The following OPCML variants were observed in gnomAD, a reference collection of about 807,000 sequenced individuals.
The protein encoded by OPCML is opioid binding protein/cell adhesion molecule like.
A neutral mutation model predicts 37.8 loss-of-function variants in OPCML; 13 were observed. The observed-to-expected ratio is 0.34, with a 90% confidence interval of 0.22 to 0.55. The LOEUF (loss-of-function observed/expected upper bound fraction) is 0.55. OPCML is among the 20% of genes least tolerant of loss of function. OPCML has a pLI of 0.91. For synonymous variants in OPCML, 176 were observed against 168.8 expected (o/e 1.04, Z -0.33); for missense variants, 341 against 435.6 (o/e 0.78, Z 1.93).
chr11:132,950,231 C>T (rs1278674016), intron 1 of OPCML, among the ~76,000 whole-genome samples: 2 of 152,092 alleles, frequency 1.3e-5, no homozygotes, highest in African/African-American at 4.8e-5. Context: ...GACTAGATTG[C>T]AGGGGTACAG....
intron 1 of OPCML, among the ~76,000 whole-genome samples, chr11:133,345,077 A>G (rs1215517734): frequency 6.6e-6 from 1 of 152,124 alleles, no homozygotes; most frequent in African/African-American, 2.4e-5. Context: ...CTCAAATCAT[A>G]TACACCAGCC....
intron 3 of OPCML, among the ~76,000 whole-genome samples, chr11:132,622,358 GGA>G (rs1939472464): frequency 6.6e-6 from 1 of 152,144 alleles, no homozygotes; most frequent in Non-Finnish European, 1.5e-5. Context: ...CATGAAAAGA[GGA>G]GAGAGAAGCG....
chr11:133,143,772 A>T lies in OPCML; in HGVS notation c.62-200762T>A, dbSNP rs561344370. Among the ~76,000 whole-genome samples the T allele has an allele frequency of 2.6e-4, 39 of 152,326 alleles. No individual in the cohort carries two copies. The South Asian group carries it at 7.9e-3, about 31-fold the overall frequency. On this transcript the variant is annotated intron_variant, in intron 1 of 7. Coordinates refer to ENST00000524381, the MANE Select transcript of OPCML (RefSeq NM_001012393.5). ...CAACTAGAAGCCAGGACTGCTGAGAAAGTGCCTACTTATCTTTCTAGGTTA... is the reference window on the plus strand; with the variant it reads ...CAACTAGAAGCCAGGACTGCTGAGATAGTGCCTACTTATCTTTCTAGGTTA...
chr11:132,701,272 C>G (rs939892480), intron 2 of OPCML, among the ~76,000 whole-genome samples: 6 of 152,168 alleles, frequency 3.9e-5, no homozygotes, highest in African/African-American at 1.4e-4. Context: ...GAGACTTATT[C>G]ACAGTATGGG....
intron 1 of OPCML, among the ~76,000 whole-genome samples, chr11:133,096,243 G>A (rs570632292): frequency 3.5e-4 from 53 of 151,770 alleles, no homozygotes; most frequent in African/African-American, 1.3e-3. Flanking sequence ...TAAGGTACTT[G>A]AACTACCTTT....
intron 1 of OPCML, among the ~76,000 whole-genome samples, chr11:133,414,053 G>T (rs1945708591): frequency 6.6e-6 from 1 of 152,162 alleles, no homozygotes; most frequent in Admixed American, 6.5e-5. Flanking sequence ...TAAGACAGAA[G>T]AAATACAAGC....
chr11:132,917,182 C>CG (rs1238820261), intron 2 of OPCML, among the ~76,000 whole-genome samples: 1 of 152,146 alleles, frequency 6.6e-6, no homozygotes, highest in African/African-American at 2.4e-5. Flanking sequence ...GACACCGTAA[C>CG]GAGGATTTAA....
At position 132,618,428 on chromosome 11, in the gene OPCML, G is replaced by A. The variant is rs116748924; in HGVS notation, c.379+38659C>T. Among the ~76,000 whole-genome samples, 1,476 of 152,158 alleles carry A rather than the reference G, an allele frequency of 9.7e-3. 22 individuals carry two copies. Among genetic ancestry groups the A allele is most frequent in the African/African-American group, 0.034 (1,391 of 41,518 alleles). ...TCTGGAAGGAGACTCACTTGAACCC[G>A]GGAGGCGTAGGTTGCAGTGAGCCGA... On this transcript the variant is annotated intron_variant, in intron 3 of 7. Coordinates refer to ENST00000524381, the MANE Select transcript of OPCML (RefSeq NM_001012393.5).
intron 2 of OPCML, among the ~76,000 whole-genome samples, chr11:132,929,787 G>A (rs1213223926): frequency 1.3e-5 from 2 of 151,584 alleles, no homozygotes; most frequent in Non-Finnish European, 2.9e-5. Flanking sequence ...ACCAGTTGAA[G>A]GAAAAAACAA....
intron 1 of OPCML, among the ~76,000 whole-genome samples, chr11:133,317,344 T>C (rs974233890): frequency 3.3e-5 from 5 of 152,228 alleles, no homozygotes; most frequent in African/African-American, 1.2e-4. Flanking sequence ...CAGGAATGTT[T>C]CAAAATTTGA....
intron 4 of OPCML, among the ~76,000 whole-genome samples, chr11:132,486,468 T>G (rs1344428578): frequency 6.6e-6 from 1 of 152,090 alleles, no homozygotes; most frequent in Non-Finnish European, 1.5e-5. Flanking sequence ...ACTTTTATAA[T>G]CTTTTTAGAA....
chr11:132,943,307 G>A lies in OPCML; in HGVS notation c.62-297C>T, dbSNP rs1945648944. 1 of 663,350 alleles carries A rather than the reference G, an allele frequency of 1.5e-6. No homozygotes were observed. The allele number at this position is 663,350 out of a possible 1,614,324, so 41.1% of individuals were successfully genotyped here. A position where few individuals can be genotyped will look rare whatever the true frequency, so the allele number is the denominator to read the frequency against. On this transcript the variant is annotated intron_variant, in intron 1 of 7. Coordinates refer to ENST00000524381, the MANE Select transcript of OPCML (RefSeq NM_001012393.5). The surrounding 1 kb of genome is among the most constrained non-coding windows in gnomAD (Gnocchi z 4.3). Reference sequence around the variant, plus strand: ...GCTTTCCAGCCTAGCAGAACCAGATGCCCCCTCCTGCATCCAAAAAGAGCT... The same window carrying A: ...GCTTTCCAGCCTAGCAGAACCAGATACCCCCTCCTGCATCCAAAAAGAGCT...
In OPCML at chr11:132,415,343, T is replaced by A. The variant is rs1187931655; in HGVS notation, c.*4850A>T. On this transcript the variant is annotated 3_prime_UTR_variant, in exon 8 of 8. Transcript: ENST00000524381. ...TGATAAGTCATAATTTTTTTTTAAA[T>A]CTAAAGGACTCTGAACTTGACAGAC... 3 of 152,562 alleles carry A rather than the reference T, an allele frequency of 2.0e-5. No homozygotes were observed. The East Asian group carries it at 5.8e-4, about 29-fold the overall frequency. The allele number at this position is 152,562 out of a possible 1,614,324, so 9.5% of individuals were successfully genotyped here.
chr11:133,290,597 A>G (rs1942447925), intron 1 of OPCML, among the ~76,000 whole-genome samples: 1 of 152,192 alleles, frequency 6.6e-6, no homozygotes, highest in Non-Finnish European at 1.5e-5. Context: ...CCAGACCCAG[A>G]GACCCCTGAG....
chr11:132,580,863 G>T (rs889869271), intron 3 of OPCML, among the ~76,000 whole-genome samples: 3 of 152,200 alleles, frequency 2.0e-5, no homozygotes, highest in East Asian at 1.9e-4. Flanking sequence ...TTCCATAGGG[G>T]CCTTTCCATC....
chr11:132,917,390 T>C (rs907458377), intron 2 of OPCML, among the ~76,000 whole-genome samples: 6 of 150,984 alleles, frequency 4.0e-5, no homozygotes, highest in Admixed American at 3.3e-4. Flanking sequence ...ATCAGGAATA[T>C]ATGCTCTGGT....
chr11:133,042,543 A>G (rs527355329), intron 1 of OPCML, among the ~76,000 whole-genome samples: 8 of 152,250 alleles, frequency 5.3e-5, no homozygotes, highest in Admixed American at 1.3e-4. Context: ...AACTCTCCCA[A>G]TAGGCTAGTT....
chr11:132,647,343 G>C (rs753258701), intron 3 of OPCML, among the ~76,000 whole-genome samples: 6 of 152,164 alleles, frequency 3.9e-5, no homozygotes, highest in Non-Finnish European at 8.8e-5. Flanking sequence ...ATGTTTATAA[G>C]ATGACCGCCA....
chr11:133,336,083 G>T (rs1256682246), intron 1 of OPCML, among the ~76,000 whole-genome samples: 1 of 152,226 alleles, frequency 6.6e-6, no homozygotes, highest in Non-Finnish European at 1.5e-5. Context: ...TATCATTAAA[G>T]AAGTGGACTT....
Sources: gnomAD v4.1 joint callset for allele counts (sites outside exome capture counted in the v4.1 genomes callset) on GRCh38, gnomAD v4.1.1 for gene constraint, Gnocchi (gnomAD v3.1) non-coding constraint, MANE v1.5 for transcripts, NCBI Gene and HGNC (gene_info 2026-07-23, HGNC 2026-07-21) for gene names.